CCND2: variants seen among roughly 807,000 people sequenced by gnomAD.
The protein encoded by CCND2 is G1/S-specific cyclin-D2.
Under a neutral mutation model 30.2 loss-of-function variants are expected in CCND2, and 6 were observed. That is an observed-to-expected ratio of 0.20 (90% confidence interval 0.11 to 0.39). CCND2 has a LOEUF of 0.39. Ranked by LOEUF, CCND2 falls within the 10% of genes least tolerant of loss-of-function variation. The probability of loss-of-function intolerance (pLI) is 1.00; values close to 1 mark genes in which losing one functional copy is unlikely to be tolerated. For synonymous variants in CCND2, 150 were observed against 153.1 expected (o/e 0.98, Z 0.15); for missense variants, 235 against 373.4 (o/e 0.63, Z 3.06).
At chr12:4,279,590 G>T (rs577902991) in intron 3 of CCND2, among the ~76,000 whole-genome samples, 1 of 151,626 alleles carries the variant, frequency 6.6e-6, no homozygotes, top group Non-Finnish European at 1.5e-5. Flanking sequence ...TTGCAATTCC[G>T]CCTACCACGT....
chr12:4,304,640 T>C lies in CCND2; in HGVS notation c.*4631T>C, dbSNP rs1049632379. The C allele has an allele frequency of 2.0e-4, 46 of 233,718 alleles. No homozygotes were observed. Among genetic ancestry groups the C allele is most frequent in the African/African-American group, 1.0e-3 (46 of 45,466 alleles). 14.5% of individuals were successfully genotyped at this position (233,718 alleles called of 1,614,324 possible). On this transcript the variant is annotated 3_prime_UTR_variant, in exon 5 of 5. Transcript: ENST00000261254. This position sits in a 1 kb window ranked among gnomAD's most constrained non-coding sequence, Gnocchi z 6.2. ...TTGGCTGGGCTATCAGACCCTATTC[T>C]CGGCTCAGGTTTTGAGAAGCCATCA...
At position 4,282,380 on chromosome 12, in the gene CCND2, C is replaced by A. The variant is rs746701215; in HGVS notation, c.571+3461C>A. Among the ~76,000 whole-genome samples the A allele has an allele frequency of 2.6e-5, 4 of 152,216 alleles. No homozygotes were observed. The East Asian group carries it at 7.7e-4, about 29-fold the overall frequency. ...GCCAAGGCCAGAGCCCCATTGTTGA[C>A]TAGAACCCATTGTGCTGTCCTAGCC... On this transcript the variant is annotated intron_variant, in intron 3 of 4. Transcript: ENST00000261254. This position sits in a 1 kb window ranked among gnomAD's most constrained non-coding sequence, Gnocchi z 4.3.
chr12:4,278,401 C>T (rs1455982631), intron 2 of CCND2, among the ~76,000 whole-genome samples: 1 of 151,812 alleles, frequency 6.6e-6, no homozygotes, highest in Non-Finnish European at 1.5e-5. Flanking sequence ...TGACCTTGGC[C>T]GTATCTCATT....
intron 4 of CCND2, among the ~76,000 whole-genome samples, chr12:4,298,947 T>G (rs967580340): frequency 1.3e-5 from 2 of 152,250 alleles, no homozygotes; most frequent in Non-Finnish European, 2.9e-5. Flanking sequence ...AGGCTGCATA[T>G]TCTTGCTTAT....
In CCND2 at chr12:4,293,103, G is replaced by T. The variant is rs1434231584; in HGVS notation, c.720+4113G>T. Among the ~76,000 whole-genome samples the T allele has an allele frequency of 6.6e-6, 1 of 152,202 alleles. No homozygotes were observed. The highest frequency in any genetic ancestry group is 1.5e-5 in the Non-Finnish European group (1 of 68,040). On this transcript the variant is annotated intron_variant, in intron 4 of 4. Transcript: ENST00000261254. The surrounding 1 kb of genome is among the most constrained non-coding windows in gnomAD (Gnocchi z 4.9). ...CAGTGGGTTTCCGATTCACTGGTCTGTCCATGTCCTTTGAAAAGCTGTGTC... is the reference window on the plus strand; with the variant it reads ...CAGTGGGTTTCCGATTCACTGGTCTTTCCATGTCCTTTGAAAAGCTGTGTC...
rs1362633242 is a variant in CCND2 at position 4,274,318 on chromosome 12, G to A, written c.195+83G>A. 386 of 1,449,972 alleles carry A rather than the reference G, an allele frequency of 2.7e-4. 1 individual carries two copies. The highest frequency in any genetic ancestry group is 1.8e-5 in the Non-Finnish European group (19 of 1,055,844). The allele number at this position is 1,449,972 out of a possible 1,614,324, so 89.8% of individuals were successfully genotyped here. ...CGGCCGGAGCCCTAAACCTGGGAGAGGGCAATCCCCGCGCCGGCCTCCCGG... is the reference window on the plus strand; with the variant it reads ...CGGCCGGAGCCCTAAACCTGGGAGAAGGCAATCCCCGCGCCGGCCTCCCGG... On this transcript the variant is annotated intron_variant, in intron 1 of 4. Transcript: ENST00000261254. This position sits in a 1 kb window ranked among gnomAD's most constrained non-coding sequence, Gnocchi z 7.7.
rs908712837 is a variant in CCND2 at position 4,282,487 on chromosome 12, G to A, written c.571+3568G>A. 3.9e-5 allele frequency among the ~76,000 whole-genome samples: 6 copies of A among 152,194 alleles called. No individual in the cohort carries two copies. Among genetic ancestry groups the A allele is most frequent in the African/African-American group, 4.8e-5 (2 of 41,428 alleles). ...AGACAGTGGTGGCCCAGAGAAGTTC[G>A]ATGACTTGGCCCTTGATCTAGAGTG... is the stretch of plus-strand genomic sequence containing the variant. On this transcript the variant is annotated intron_variant, in intron 3 of 4. Transcript: ENST00000261254. This position sits in a 1 kb window ranked among gnomAD's most constrained non-coding sequence, Gnocchi z 4.3.
intron 4 of CCND2, among the ~76,000 whole-genome samples, chr12:4,292,322 G>A (rs2120571387): frequency 6.6e-6 from 1 of 152,234 alleles, no homozygotes; most frequent in African/African-American, 2.4e-5. Flanking sequence ...TGACAAACGG[G>A]AATCAGGAAG....
chr12:4,286,756 AAGTTCATTCGTATGCCAATAATAAG>A, intron 3 of CCND2, among the ~76,000 whole-genome samples: 1 of 152,336 alleles, frequency 6.6e-6, no homozygotes, highest in Non-Finnish European at 1.5e-5. Flanking sequence ...TGGCTTCCAG[AAGTTCATTCGTATGCCAATAATAAG>A]AGTTGGTTTT....
At chr12:4,296,149 G>A (rs956938825) in intron 4 of CCND2, among the ~76,000 whole-genome samples, 5 of 152,226 alleles carry the variant, frequency 3.3e-5, no homozygotes, top group African/African-American at 1.2e-4. Flanking sequence ...GAGTTCTTTC[G>A]CTTTCTGGAG....
At position 4,285,308 on chromosome 12, in the gene CCND2, C is replaced by A; in HGVS notation, c.572-3534C>A. ...ATCTCAGGAAGTCACCAGCATCTCA[C>A]CTCTCCAGGTGGGCAATTAACGATG... is the stretch of plus-strand genomic sequence containing the variant. On this transcript the variant is annotated intron_variant, in intron 3 of 4. Coordinates refer to ENST00000261254, the MANE Select transcript of CCND2 (RefSeq NM_001759.4). The surrounding 1 kb of genome is among the most constrained non-coding windows in gnomAD (Gnocchi z 4.1). 1.0e-6 allele frequency: 1 copy of A among 985,392 alleles called. No homozygotes were observed. The allele number at this position is 985,392 out of a possible 1,614,324, so 61.0% of individuals were successfully genotyped here. A position where few individuals can be genotyped will look rare whatever the true frequency, so the allele number is the denominator to read the frequency against.
chr12:4,282,597 G>A lies in CCND2; in HGVS notation c.571+3678G>A, dbSNP rs776324261. Among the ~76,000 whole-genome samples, 4 of 152,212 alleles carry A rather than the reference G, an allele frequency of 2.6e-5. No homozygotes were observed. The highest frequency in any genetic ancestry group is 2.9e-5 in the Non-Finnish European group (2 of 68,026). ...AAGTCTCTGAGCTACCCCTGAAGCCGCGAGGTCATGGGACTGAGGGGGAGT... is the reference window on the plus strand; with the variant it reads ...AAGTCTCTGAGCTACCCCTGAAGCCACGAGGTCATGGGACTGAGGGGGAGT... On this transcript the variant is annotated intron_variant, in intron 3 of 4. Transcript: ENST00000261254. The surrounding 1 kb of genome is among the most constrained non-coding windows in gnomAD (Gnocchi z 4.3).
intron 4 of CCND2, among the ~76,000 whole-genome samples, chr12:4,289,974 G>A (rs1297415895): frequency 6.6e-6 from 1 of 152,166 alleles, no homozygotes; most frequent in Non-Finnish European, 1.5e-5. Flanking sequence ...GAGGGGTGTT[G>A]GCCCTGAGCC....
chr12:4,289,997 C>CA (rs201771133), intron 4 of CCND2, among the ~76,000 whole-genome samples: 1,654 of 152,290 alleles, frequency 0.011, 25 homozygotes, highest in Non-Finnish European at 0.014. Flanking sequence ...CATGCATCAC[C>CA]ATGGAGAGGC....
rs1209063350 is a variant in CCND2 at position 4,285,330 on chromosome 12, G to A, written c.572-3512G>A. On this transcript the variant is annotated intron_variant, in intron 3 of 4. Coordinates refer to ENST00000261254, the MANE Select transcript of CCND2 (RefSeq NM_001759.4). The surrounding 1 kb of genome is among the most constrained non-coding windows in gnomAD (Gnocchi z 4.1). The stretch of plus-strand genomic sequence containing the variant: ...TCACCTCTCCAGGTGGGCAATTAAC[G>A]ATGGCGAGGGCACACCCTCACCCCT... 28 of 985,290 alleles carry A rather than the reference G, an allele frequency of 2.8e-5. No individual in the cohort carries two copies. In the African/African-American group the frequency reaches 3.0e-4, roughly 10 times the overall value. The allele number at this position is 985,290 out of a possible 1,614,324, so 61.0% of individuals were successfully genotyped here.
rs1302702445 is a variant in CCND2 at position 4,276,971 on chromosome 12, C to A, written c.411+751C>A. On this transcript the variant is annotated intron_variant, in intron 2 of 4. Coordinates refer to ENST00000261254, the MANE Select transcript of CCND2 (RefSeq NM_001759.4). This position sits in a 1 kb window ranked among gnomAD's most constrained non-coding sequence, Gnocchi z 4.8. ...GCCCACCTTCGGTGGTTTGCACACCCCTCTTTGCACTGTTCAGAAAAGCAC... is the reference window on the plus strand; with the variant it reads ...GCCCACCTTCGGTGGTTTGCACACCACTCTTTGCACTGTTCAGAAAAGCAC... Among the ~76,000 whole-genome samples, 1 of 152,222 alleles carries A rather than the reference C, an allele frequency of 6.6e-6. No homozygotes were observed. Among genetic ancestry groups the A allele is most frequent in the Non-Finnish European group, 1.5e-5 (1 of 68,048 alleles).
At position 4,285,731 on chromosome 12, in the gene CCND2, G is replaced by A. The variant is rs1864014296; in HGVS notation, c.572-3111G>A. Among the ~76,000 whole-genome samples, 1 of 152,186 alleles carries A rather than the reference G, an allele frequency of 6.6e-6. No individual in the cohort carries two copies. The highest frequency in any genetic ancestry group is 2.4e-5 in the African/African-American group (1 of 41,434). On this transcript the variant is annotated intron_variant, in intron 3 of 4. Transcript: ENST00000261254. This position sits in a 1 kb window ranked among gnomAD's most constrained non-coding sequence, Gnocchi z 4.1. ...GTAGGTGGAGCTTTCCACAGTTGAG[G>A]GTGGGGGTTGGCTAATTACAGCTAG...
chr12:4,292,832 C>A (rs1038898007), intron 4 of CCND2, among the ~76,000 whole-genome samples: 1 of 152,160 alleles, frequency 6.6e-6, no homozygotes, highest in Admixed American at 6.5e-5. Flanking sequence ...GGCCTGGGTC[C>A]CCGGTGACCA....
chr12:4,298,842 T>C (rs1370608247), intron 4 of CCND2, among the ~76,000 whole-genome samples: 1 of 152,210 alleles, frequency 6.6e-6, no homozygotes, highest in Non-Finnish European at 1.5e-5. Flanking sequence ...ACCCATGACT[T>C]GTCATTGCAT....
Sources: allele counts gnomAD v4.1 joint callset (sites outside exome capture counted in the v4.1 genomes callset), GRCh38; gene constraint gnomAD v4.1.1; non-coding constraint Gnocchi (gnomAD v3.1); transcripts MANE v1.5; gene names NCBI Gene and HGNC (gene_info 2026-07-23, HGNC 2026-07-21).